The following WBP11 variants were observed in gnomAD, a reference collection of about 807,000 sequenced individuals.
WBP11 encodes the protein WW domain-binding protein 11.
WBP11 carries 12 observed loss-of-function variants against 66.7 expected under a neutral mutation model. The ratio of observed to expected loss-of-function variants is 0.18; its 90% CI spans 0.12 to 0.29. WBP11 has a LOEUF of 0.29. WBP11 is among the 10% of genes least tolerant of loss of function. The pLI is 1.00. For synonymous variants in WBP11, 255 were observed against 273.8 expected (o/e 0.93, Z 0.68); for missense variants, 555 against 818.3 (o/e 0.68, Z 3.93).
intron 9 of WBP11, 28 bp downstream of exon 9, chr12:14,791,141 G>T (rs1949817166): frequency 6.2e-7 from 1 of 1,602,202 alleles, no homozygotes; most frequent in Non-Finnish European, 8.5e-7. Flanking sequence ...ACACCAAAAG[G>T]TGATTCACTA....
rs1354199802 is a variant in WBP11 at position 14,785,633 on chromosome 12, AAAT to A, written c.*1429_*1431del. 6.6e-6 allele frequency: 1 copy of A among 152,246 alleles called. No individual in the cohort carries two copies. Among genetic ancestry groups the A allele is most frequent in the Non-Finnish European group, 1.5e-5 (1 of 68,040 alleles). 9.4% of individuals were successfully genotyped at this position (152,246 alleles called of 1,614,324 possible). On this transcript the variant is annotated 3_prime_UTR_variant, in exon 12 of 12. Coordinates refer to ENST00000261167, the MANE Select transcript of WBP11 (RefSeq NM_016312.3). ...CAAACAAACAAAAGATCTTGAATAA[AAAT>A]CTAAAAATCCATCAACTCAACTCTA...
rs1373974251 is a variant in WBP11 at position 14,785,687 on chromosome 12, T to C, written c.*1378A>G. On this transcript the variant is annotated 3_prime_UTR_variant, in exon 12 of 12. Coordinates refer to ENST00000261167, the MANE Select transcript of WBP11 (RefSeq NM_016312.3). The stretch of plus-strand genomic sequence containing the variant: ...AGAAAATAAATGCCTTATTGTATTA[T>C]TGCACTACATTTTAGGTTATCACCA... 6.6e-6 allele frequency: 1 copy of C among 152,248 alleles called. No homozygotes were observed. The highest frequency in any genetic ancestry group is 1.5e-5 in the Non-Finnish European group (1 of 68,036). 9.4% of individuals were successfully genotyped at this position (152,248 alleles called of 1,614,324 possible). A position where few individuals can be genotyped will look rare whatever the true frequency, so the allele number is the denominator to read the frequency against.
At chr12:14,787,669 A>G (rs1592214451) in intron 11 of WBP11, among the ~76,000 whole-genome samples, 171 bp from the exon 12 acceptor site, 1 of 152,184 alleles carries the variant, frequency 6.6e-6, no homozygotes, top group Admixed American at 6.6e-5. Context: ...ATTTTATTAT[A>G]AAACAGTATT....
intron 8 of WBP11, among the ~76,000 whole-genome samples, chr12:14,792,127 C>CT (rs1355572988): frequency 1.3e-5 from 2 of 151,780 alleles, no homozygotes; most frequent in Non-Finnish European, 2.9e-5. Context: ...TCTCCAAAAA[C>CT]TATCAAAATT....
chr12:14,801,498 C>T (rs1949962285), intron 1 of WBP11, 70 bp from the exon 2 acceptor site: 2 of 992,132 alleles, frequency 2.0e-6, no homozygotes, highest in Admixed American at 2.4e-5. Flanking sequence ...TAGTCCCTAC[C>T]AATCTCTGAA....
At chr12:14,787,549 AACT>A (rs753797960) in intron 11 of WBP11, 51 bp from the exon 12 acceptor site, 1 of 1,409,988 alleles carries the variant, frequency 7.1e-7, no homozygotes, top group Non-Finnish European at 9.3e-7. Context: ...AATAAAATTT[AACT>A]ACTATTAAGG....
chr12:14,800,078 G>A (rs1949941625), intron 3 of WBP11, among the ~76,000 whole-genome samples: 1 of 152,048 alleles, frequency 6.6e-6, no homozygotes, highest in African/African-American at 2.4e-5. Flanking sequence ...GCTAGTTGAA[G>A]TCCAAAGCAA....
chr12:14,793,640 A>C (rs968963633), intron 8 of WBP11, 91 bp downstream of exon 8: 36 of 1,428,074 alleles, frequency 2.5e-5, no homozygotes, highest in Non-Finnish European at 3.4e-5. Flanking sequence ...CAAAGATTTC[A>C]GAGTACTCTC....
In WBP11 at chr12:14,793,876, A is replaced by G; in HGVS notation, c.768T>C (p.Asp256=). 2 of 1,613,786 alleles carry G rather than the reference A, an allele frequency of 1.2e-6. No homozygotes were observed. Among genetic ancestry groups the G allele is most frequent in the African/African-American group, 1.3e-5 (1 of 75,014 alleles). The change falls in exon 8 of 12, where the codon GAT becomes GAC. Residue 256 remains aspartate, a synonymous_variant. Transcript: ENST00000261167. ...CTTGATCCATGTCCTCAGGATAGCC[A>G]TCATCTTCACTGGTGCTAGAAACAT... ...DDDVSSTSED[D]GYPEDMDQDK...
At chr12:14,802,321 A>G (rs904331162) in intron 1 of WBP11, among the ~76,000 whole-genome samples, 3 of 152,210 alleles carry the variant, frequency 2.0e-5, no homozygotes, top group African/African-American at 7.2e-5. Flanking sequence ...TTCCTTTTGC[A>G]AGTAGACACT....
At chr12:14,798,798 T>A (rs1299371564) in intron 4 of WBP11, among the ~76,000 whole-genome samples, 1 of 152,172 alleles carries the variant, frequency 6.6e-6, no homozygotes, top group African/African-American at 2.4e-5. Context: ...TAAAATGCTA[T>A]TTTACAAAAG....
intron 1 of WBP11, among the ~76,000 whole-genome samples, chr12:14,802,244 T>C (rs1949973788): frequency 6.6e-6 from 1 of 152,246 alleles, no homozygotes; most frequent in Non-Finnish European, 1.5e-5. Context: ...CTTCCTCTTA[T>C]TCCAAAATAA....
chr12:14,800,968 C>T (rs190451613), intron 2 of WBP11, 185 bp from the exon 3 acceptor site: 61 of 502,330 alleles, frequency 1.2e-4, no homozygotes, highest in African/African-American at 1.2e-3. Flanking sequence ...CCAAAAATGT[C>T]AAGACATTTT....
At position 14,787,143 on chromosome 12, in the gene WBP11, A is replaced by C; in HGVS notation, c.1848T>G (p.Gly616=). 1 of 1,613,746 alleles carries C rather than the reference A, an allele frequency of 6.2e-7. No homozygotes were observed. Among genetic ancestry groups the C allele is most frequent in the Non-Finnish European group, 8.5e-7 (1 of 1,179,988 alleles). The change falls in exon 12 of 12, where the codon GGT becomes GGG. Residue 616 remains glycine, a synonymous_variant. Transcript: ENST00000261167. ...VPLAKAAPKS[G]PSVPVSVQTK... Reference sequence around the variant, plus strand: ...TTTGTACTGAGACAGGAACAGAAGGACCAGATTTGGGTGCTGCTTTGGCAA... The same window carrying C: ...TTTGTACTGAGACAGGAACAGAAGGCCCAGATTTGGGTGCTGCTTTGGCAA...
rs1949788781 is a variant in WBP11 at position 14,788,981 on chromosome 12, G to C, written c.1462C>G (p.Pro488Ala). The C allele has an allele frequency of 6.8e-7, 1 of 1,470,798 alleles. No homozygotes were observed. 91.1% of individuals were successfully genotyped at this position (1,470,798 alleles called of 1,614,324 possible). A position where few individuals can be genotyped will look rare whatever the true frequency, so the allele number is the denominator to read the frequency against. The part of the protein sequence containing the change: ...LPPGPPPRGP[P>A]PRLPPPAPPG... ...GGTGCAGGGGGAGGTAGCCTTGGTG[G>C]GGGTCCACGAGGAGGGGGACCAGGA... Residue 488 changes from proline to alanine, a missense_variant, in exon 11 of 12, where the codon CCA (proline) becomes GCA (alanine). Around this residue, in one of 6 missense-constraint regions of WBP11, gnomAD observed 230 missense variants for 286.3 expected, o/e 0.80. Transcript: ENST00000261167.
chr12:14,796,022 C>A lies in WBP11; in HGVS notation c.387+785G>T, dbSNP rs1038415118. On this transcript the variant is annotated intron_variant, in intron 5 of 11. Transcript: ENST00000261167. This position sits in a 1 kb window ranked among gnomAD's most constrained non-coding sequence, Gnocchi z 4.5. ...CAAATGCATATACCTCATACTCCTTCCCAATCCATCTCTAATATCATCCCC... is the reference window on the plus strand; with the variant it reads ...CAAATGCATATACCTCATACTCCTTACCAATCCATCTCTAATATCATCCCC... Among the ~76,000 whole-genome samples the A allele has an allele frequency of 2.0e-5, 3 of 152,150 alleles. No homozygotes were observed.
chr12:14,784,870 A>G lies in WBP11; in HGVS notation c.*2195T>C, dbSNP rs758991443. On this transcript the variant is annotated 3_prime_UTR_variant, in exon 12 of 12. Coordinates refer to ENST00000261167, the MANE Select transcript of WBP11 (RefSeq NM_016312.3). ...AAATATTATGTAAATTATGATCATAACAAGTGTACCCAGAATCAGAACTGC... is the reference window on the plus strand; with the variant it reads ...AAATATTATGTAAATTATGATCATAGCAAGTGTACCCAGAATCAGAACTGC... 3.3e-5 allele frequency: 5 copies of G among 152,234 alleles called. No homozygotes were observed. The allele number at this position is 152,234 out of a possible 1,614,324, so 9.4% of individuals were successfully genotyped here. A position where few individuals can be genotyped will look rare whatever the true frequency, so the allele number is the denominator to read the frequency against.
At position 14,786,980 on chromosome 12, in the gene WBP11, C is replaced by G; in HGVS notation, c.*85G>C. Reference sequence around the variant, plus strand: ...TTAGAAAATACCCTGACAATGGAAGCAGCTCTTTCATCTAAGTTTAATAAG... The same window carrying G: ...TTAGAAAATACCCTGACAATGGAAGGAGCTCTTTCATCTAAGTTTAATAAG... On this transcript the variant is annotated 3_prime_UTR_variant, in exon 12 of 12. Transcript: ENST00000261167. The G allele has an allele frequency of 1.5e-6, 2 of 1,313,160 alleles. No individual in the cohort carries two copies. The highest frequency in any genetic ancestry group is 2.1e-6 in the Non-Finnish European group (2 of 972,802). The allele number at this position is 1,313,160 out of a possible 1,614,324, so 81.3% of individuals were successfully genotyped here. A position where few individuals can be genotyped will look rare whatever the true frequency, so the allele number is the denominator to read the frequency against.
chr12:14,799,802 T>A, intron 3 of WBP11, 74 bp from the exon 4 acceptor site: 1 of 1,377,824 alleles, frequency 7.3e-7, no homozygotes, highest in Non-Finnish European at 1.0e-6. Flanking sequence ...TTTAAGAATC[T>A]AAACAGAATA....
Sources: gnomAD v4.1 joint callset for allele counts (sites outside exome capture counted in the v4.1 genomes callset) on GRCh38, gnomAD v4.1.1 for gene constraint, gnomAD v4.1.1 regional missense constraint, Gnocchi (gnomAD v3.1) non-coding constraint, MANE v1.5 for transcripts, NCBI Gene and HGNC (gene_info 2026-07-23, HGNC 2026-07-21) for gene names.